The following PCDH7 variants were observed in gnomAD, a reference collection of about 807,000 sequenced individuals.
PCDH7 encodes protocadherin 7.
In PCDH7, 17 loss-of-function variants were observed where a neutral mutation model predicts 58.9. That is an observed-to-expected ratio of 0.29 (90% CI 0.20 to 0.43). PCDH7 has a LOEUF of 0.43. Ranked by LOEUF, PCDH7 falls within the 20% of genes least tolerant of loss-of-function variation. The probability of loss-of-function intolerance (pLI) is 1.00; values close to 1 mark genes in which losing one functional copy is unlikely to be tolerated. For missense variants in PCDH7, 1,274 were observed against 1,441.0 expected (o/e 0.88, Z 1.88); for synonymous variants, 664 against 616.4 (o/e 1.08, Z -1.14).
At chr4:30,833,013 T>C (rs78206773) in intron 1 of PCDH7, among the ~76,000 whole-genome samples, 3,572 of 152,170 alleles carry the variant, frequency 0.023, 207 homozygotes, top group East Asian at 0.22. Context: ...GTATAGACTC[T>C]GCTGGCTTCA....
At chr4:30,763,953 G>A (rs1301298118) in intron 1 of PCDH7, among the ~76,000 whole-genome samples, 1 of 152,126 alleles carries the variant, frequency 6.6e-6, no homozygotes, top group Non-Finnish European at 1.5e-5. Context: ...CCAAATGTAT[G>A]TAGGAAATCT....
At chr4:30,921,013 G>T (rs1261873397) in intron 2 of PCDH7, among the ~76,000 whole-genome samples, 1 of 152,024 alleles carries the variant, frequency 6.6e-6, no homozygotes, top group African/African-American at 2.4e-5. Context: ...CTGTTTTGAG[G>T]TGATTCTCAT....
chr4:30,934,308 G>A (rs559097083), intron 2 of PCDH7, among the ~76,000 whole-genome samples: 2 of 152,254 alleles, frequency 1.3e-5, no homozygotes, highest in African/African-American at 4.8e-5. Flanking sequence ...TGGGTTTAGA[G>A]ATCCCTGTGT....
chr4:30,988,252 G>A lies in PCDH7; in HGVS notation c.*7+38037G>A, dbSNP rs189359491. Among the ~76,000 whole-genome samples, 650 of 152,228 alleles carry A rather than the reference G, an allele frequency of 4.3e-3. 6 individuals are homozygous for A. The highest frequency in any genetic ancestry group is 0.015 in the African/African-American group (616 of 41,532). ...CATACTGCAGAAAACACATTATTTT[G>A]GCATGTTTCTGCCCACAAGTGTATC... On this transcript the variant is annotated intron_variant, in intron 3 of 3. Transcript: ENST00000509759.
intron 1 of PCDH7, among the ~76,000 whole-genome samples, chr4:30,857,250 G>C (rs765762834): frequency 6.6e-6 from 1 of 151,938 alleles, no homozygotes; most frequent in Non-Finnish European, 1.5e-5. Flanking sequence ...CTCTGTCTGC[G>C]TCACATCAGC....
At chr4:30,828,147 G>T (rs2109327770) in intron 1 of PCDH7, among the ~76,000 whole-genome samples, 1 of 152,082 alleles carries the variant, frequency 6.6e-6, no homozygotes, top group African/African-American at 2.4e-5. Flanking sequence ...AGAAGAAGTA[G>T]GTGGTACTAT....
intron 2 of PCDH7, among the ~76,000 whole-genome samples, chr4:30,938,488 AC>A (rs1745623313): frequency 1.3e-5 from 2 of 151,664 alleles, no homozygotes; most frequent in Non-Finnish European, 2.9e-5. Flanking sequence ...ACATACACAC[AC>A]ACACACACAC....
chr4:30,987,219 C>A (rs1159669717), intron 3 of PCDH7, among the ~76,000 whole-genome samples: 1 of 151,984 alleles, frequency 6.6e-6, no homozygotes, highest in East Asian at 1.9e-4. Flanking sequence ...AAAACTTAAT[C>A]CAAGTATATC....
intron 2 of PCDH7, among the ~76,000 whole-genome samples, chr4:30,948,317 C>G (rs1358334029): frequency 6.6e-6 from 1 of 151,224 alleles, no homozygotes; most frequent in African/African-American, 2.4e-5. Flanking sequence ...ATATTTCATG[C>G]TAGATGCAAG....
At chr4:30,846,791 T>G (rs1428952688) in intron 1 of PCDH7, among the ~76,000 whole-genome samples, 2 of 152,170 alleles carry the variant, frequency 1.3e-5, no homozygotes, top group East Asian at 3.9e-4. Context: ...TCCAGGTATG[T>G]TTAGCCTCCA....
chr4:31,095,736 G>T (rs1031376253), intron 3 of PCDH7, among the ~76,000 whole-genome samples: 1 of 152,090 alleles, frequency 6.6e-6, no homozygotes, highest in Non-Finnish European at 1.5e-5. Flanking sequence ...CTTTAAAACA[G>T]TGAAAAAATT....
chr4:31,047,098 T>A (rs573001218), intron 3 of PCDH7, among the ~76,000 whole-genome samples: 1 of 152,204 alleles, frequency 6.6e-6, no homozygotes, highest in South Asian at 2.1e-4. Context: ...TGTTTGTTTT[T>A]TTTAAATAGG....
chr4:30,753,706 G>A (rs893351710), intron 1 of PCDH7, among the ~76,000 whole-genome samples: 3 of 152,112 alleles, frequency 2.0e-5, no homozygotes, highest in Admixed American at 6.5e-5. Context: ...TTATTCTTGT[G>A]AAGCTTACCT....
chr4:31,101,812 A>G (rs1376717676), intron 3 of PCDH7, among the ~76,000 whole-genome samples: 1 of 152,224 alleles, frequency 6.6e-6, no homozygotes, highest in African/African-American at 2.4e-5. Flanking sequence ...TGAGTGATTT[A>G]CAGATATATG....
chr4:30,728,752 C>T, intron 1 of PCDH7, among the ~76,000 whole-genome samples: 1 of 151,102 alleles, frequency 6.6e-6, no homozygotes, highest in African/African-American at 2.4e-5. Flanking sequence ...AATGAGCCAT[C>T]TAGTACAATA....
intron 3 of PCDH7, among the ~76,000 whole-genome samples, chr4:31,069,093 C>T (rs577061162): frequency 1.3e-5 from 2 of 151,962 alleles, no homozygotes; most frequent in South Asian, 2.1e-4. Context: ...CTGTTATGTT[C>T]GAGCTAAATG....
At position 30,927,087 on chromosome 4, in the gene PCDH7, G is replaced by A. The variant is rs74645326; in HGVS notation, c.287+6718G>A. Among the ~76,000 whole-genome samples, 69 of 152,264 alleles carry A rather than the reference G, an allele frequency of 4.5e-4. No homozygotes were observed. In the East Asian group the frequency reaches 6.8e-3, roughly 15 times the overall value. On this transcript the variant is annotated intron_variant, in intron 2 of 3. Transcript: ENST00000509759. ...GAATGAGCGCTCATCAAATCTCAAA[G>A]TGACTTTGGAGGTCAGTTAGTGGTT... is the stretch of plus-strand genomic sequence containing the variant.
intron 1 of PCDH7, among the ~76,000 whole-genome samples, chr4:30,738,421 A>G (rs1716607863): frequency 6.6e-6 from 1 of 152,004 alleles, no homozygotes; most frequent in East Asian, 1.9e-4. Flanking sequence ...TACAATTACT[A>G]TCGTTTTTGT....
chr4:31,074,140 C>G (rs998717978), intron 3 of PCDH7, among the ~76,000 whole-genome samples: 5 of 151,780 alleles, frequency 3.3e-5, no homozygotes, highest in African/African-American at 1.2e-4. Flanking sequence ...TCTGCAACCC[C>G]AAAACCCCCG....
Sources: gnomAD v4.1 joint callset for allele counts (sites outside exome capture counted in the v4.1 genomes callset) on GRCh38, gnomAD v4.1.1 for gene constraint, MANE v1.5 for transcripts, NCBI Gene and HGNC (gene_info 2026-07-23, HGNC 2026-07-21) for gene names.